Variants in VOPP1 observed in about 807,000 individuals in gnomAD.
The protein encoded by VOPP1 is VOPP1 WW domain binding protein.
A neutral mutation model predicts 23.5 loss-of-function variants in VOPP1; 8 were observed. That is an observed-to-expected ratio of 0.34 (90% CI 0.20 to 0.61). The LOEUF is 0.61. VOPP1 is among the 20% of genes least tolerant of loss of function. The pLI, the probability that VOPP1 is intolerant of heterozygous loss-of-function variation, is 0.78. For synonymous variants in VOPP1, 83 were observed against 97.3 expected (o/e 0.85, Z 0.86); for missense variants, 174 against 238.1 (o/e 0.73, Z 1.77).
At position 55,540,228 on chromosome 7, in the gene VOPP1, T is replaced by C. The variant is rs1797058327; in HGVS notation, c.55-19098A>G. ...TCCTGGCCAACACAGTGAAACCCTGTCTCCGCTAAAAATACAAAAATTAGC... is the reference window on the plus strand; with the variant it reads ...TCCTGGCCAACACAGTGAAACCCTGCCTCCGCTAAAAATACAAAAATTAGC... On this transcript the variant is annotated intron_variant, in intron 1 of 4. Coordinates refer to ENST00000285279, the MANE Select transcript of VOPP1 (RefSeq NM_030796.5). Among the ~76,000 whole-genome samples the C allele has an allele frequency of 4.6e-5, 7 of 151,870 alleles. No homozygotes were observed. The South Asian group carries it at 1.5e-3, about 32-fold the overall frequency.
In VOPP1 at chr7:55,501,059, C is replaced by G. The variant is rs150547776; in HGVS notation, c.114-3369G>C. 4.4e-3 allele frequency among the ~76,000 whole-genome samples: 676 copies of G among 152,306 alleles called. 5 individuals are homozygous for G. Among genetic ancestry groups the G allele is most frequent in the African/African-American group, 0.016 (651 of 41,564 alleles). ...ACCCTTGGGCAAATGACAGGAGGTC[C>G]CTGAGACAGGACCCACAGACAGGAA... is the stretch of plus-strand genomic sequence containing the variant. On this transcript the variant is annotated intron_variant, in intron 2 of 4. Transcript: ENST00000285279.
intron 4 of VOPP1, among the ~76,000 whole-genome samples, chr7:55,481,593 ACCT>A (rs1792715830): frequency 6.6e-6 from 1 of 152,236 alleles, no homozygotes; most frequent in South Asian, 2.1e-4. Flanking sequence ...CTCCACTCCC[ACCT>A]TTTTGACTCA....
chr7:55,542,999 T>G (rs962447818), intron 1 of VOPP1, among the ~76,000 whole-genome samples: 1 of 152,032 alleles, frequency 6.6e-6, no homozygotes, highest in Non-Finnish European at 1.5e-5. Context: ...CACTGCAAGC[T>G]CCACCTCCCG....
rs1798151950 is a variant in VOPP1 at position 55,565,991 on chromosome 7, T to A, written c.54+6280A>T. Among the ~76,000 whole-genome samples, 3 of 152,078 alleles carry A rather than the reference T, an allele frequency of 2.0e-5. No individual in the cohort carries two copies. The South Asian group carries it at 6.2e-4, about 31-fold the overall frequency. On this transcript the variant is annotated intron_variant, in intron 1 of 4. Transcript: ENST00000285279. ...CCAAAACCAATCTCCGATCCCAAGA[T>A]CACAGGAGAGTGCAACCCAAATACC...
At chr7:55,559,672 T>C (rs1797919907) in intron 1 of VOPP1, among the ~76,000 whole-genome samples, 1 of 152,020 alleles carries the variant, frequency 6.6e-6, no homozygotes, top group African/African-American at 2.4e-5. Flanking sequence ...GACTAGCTAT[T>C]AATAAAACCA....
chr7:55,544,809 A>T (rs946569900), intron 1 of VOPP1, among the ~76,000 whole-genome samples: 4 of 152,272 alleles, frequency 2.6e-5, no homozygotes, highest in African/African-American at 9.6e-5. Flanking sequence ...CAAGGAAAAT[A>T]AAAAAAGTTG....
At chr7:55,498,634 T>G (rs1301367909) in intron 2 of VOPP1, among the ~76,000 whole-genome samples, 2 of 152,168 alleles carry the variant, frequency 1.3e-5, no homozygotes, top group African/African-American at 4.8e-5. Flanking sequence ...TCTACAATAT[T>G]AAACCATTAC....
intron 2 of VOPP1, among the ~76,000 whole-genome samples, chr7:55,500,284 C>G (rs1039424886): frequency 6.6e-6 from 1 of 152,224 alleles, no homozygotes; most frequent in African/African-American, 2.4e-5. Context: ...TAAGTCTCTG[C>G]CCTTGCAGAC....
intron 1 of VOPP1, among the ~76,000 whole-genome samples, chr7:55,528,465 TG>T (rs1796313509): frequency 6.6e-6 from 1 of 152,154 alleles, no homozygotes; most frequent in Admixed American, 6.5e-5. Flanking sequence ...AAGTGAAAAC[TG>T]GATATGAAAA....
intron 1 of VOPP1, chr7:55,552,611 T>C: frequency 6.5e-7 from 1 of 1,535,932 alleles, no homozygotes; most frequent in Non-Finnish European, 8.7e-7. Flanking sequence ...AAGAAAGTGC[T>C]GGAACCAGGT....
chr7:55,494,820 A>G lies in VOPP1; in HGVS notation c.192-2402T>C, dbSNP rs1257722077. Among the ~76,000 whole-genome samples, 7 of 152,132 alleles carry G rather than the reference A, an allele frequency of 4.6e-5. No homozygotes were observed. In the East Asian group the frequency reaches 1.3e-3, roughly 29 times the overall value. ...GGCAGGAGAAAGCGCTTCTAAAAAC[A>G]AGGAAAGAGACGAAGCAGGGTGTTG... On this transcript the variant is annotated intron_variant, in intron 3 of 4. Transcript: ENST00000285279.
intron 1 of VOPP1, among the ~76,000 whole-genome samples, chr7:55,524,451 A>C (rs1276139230): frequency 2.0e-5 from 3 of 152,184 alleles, no homozygotes; most frequent in Non-Finnish European, 4.4e-5. Context: ...AAACTGCTTC[A>C]CTGTTTTTGG....
intron 4 of VOPP1, among the ~76,000 whole-genome samples, chr7:55,473,957 T>C (rs1160802729): frequency 2.0e-5 from 3 of 152,188 alleles, no homozygotes; most frequent in Non-Finnish European, 4.4e-5. Flanking sequence ...TGTGATATAG[T>C]TCTGACTCTA....
chr7:55,530,678 G>A (rs562373968), intron 1 of VOPP1, among the ~76,000 whole-genome samples: 1 of 152,284 alleles, frequency 6.6e-6, no homozygotes, highest in South Asian at 2.1e-4. Flanking sequence ...CACATCGTGT[G>A]CATGGAACAG....
intron 1 of VOPP1, among the ~76,000 whole-genome samples, chr7:55,545,460 G>A (rs142691257): frequency 9.8e-4 from 149 of 152,264 alleles, no homozygotes; most frequent in African/African-American, 3.3e-3. Context: ...ATGGCAGGAG[G>A]GAGGCACTCA....
At chr7:55,458,587 T>C (rs1232383352) in intron 4 of VOPP1, among the ~76,000 whole-genome samples, 2 of 152,120 alleles carry the variant, frequency 1.3e-5, no homozygotes, top group African/African-American at 4.8e-5. Flanking sequence ...TTCATTAGTG[T>C]TTTGTAGTTT....
At chr7:55,559,498 C>G (rs2129055793) in intron 1 of VOPP1, among the ~76,000 whole-genome samples, 1 of 152,284 alleles carries the variant, frequency 6.6e-6, no homozygotes, top group Non-Finnish European at 1.5e-5. Context: ...TGAAGTCCAG[C>G]TCCTTTTCTG....
At chr7:55,567,412 C>G (rs1198953497) in intron 1 of VOPP1, among the ~76,000 whole-genome samples, 1 of 152,204 alleles carries the variant, frequency 6.6e-6, no homozygotes, top group East Asian at 1.9e-4. Context: ...GTGGTCAAGA[C>G]AGACCTCACT....
Position 55,497,597 on chromosome 7 carries a change from A to T in VOPP1, c.191+16T>A. ...AGAGCTCTCGGGGTAGGGAACAAGG[A>T]GGAGTTGTGACCTACCAGAAGTACC... On this transcript the variant is annotated intron_variant, in intron 3 of 4. Coordinates refer to ENST00000285279, the MANE Select transcript of VOPP1 (RefSeq NM_030796.5). 1 of 1,468,798 alleles carries T rather than the reference A, an allele frequency of 6.8e-7. No individual in the cohort carries two copies. The highest frequency in any genetic ancestry group is 9.3e-7 in the Non-Finnish European group (1 of 1,069,850). The allele number at this position is 1,468,798 out of a possible 1,614,324, so 91.0% of individuals were successfully genotyped here.
Sources: gnomAD v4.1 joint callset for allele counts (sites outside exome capture counted in the v4.1 genomes callset) on GRCh38, gnomAD v4.1.1 for gene constraint, MANE v1.5 for transcripts, NCBI Gene and HGNC (gene_info 2026-07-23, HGNC 2026-07-21) for gene names.